Variants in RBFOX1 observed in about 807,000 individuals in gnomAD.
RBFOX1 encodes RNA binding protein fox-1 homolog 1.
RBFOX1 carries 8 observed loss-of-function variants against 57.7 expected under a neutral mutation model. That is an observed-to-expected ratio of 0.14 (90% confidence interval 0.08 to 0.25). The LOEUF (loss-of-function observed/expected upper bound fraction) is 0.25, where lower values mean the gene tolerates loss of function less well. RBFOX1 is among the 10% of genes least tolerant of loss of function. The probability of loss-of-function intolerance (pLI) is 1.00; values close to 1 mark genes in which losing one functional copy is unlikely to be tolerated. For missense variants in RBFOX1, 611 were observed against 548.5 expected (o/e 1.11, Z -1.14); for synonymous variants, 326 against 222.4 (o/e 1.47, Z -4.15).
At chr16:6,421,921 C>CTTTT (rs35479646) in intron 2 of RBFOX1, among the ~76,000 whole-genome samples, 7 of 99,822 alleles carry the variant, frequency 7.0e-5, no homozygotes, top group Non-Finnish European at 9.7e-5. Context: ...GGGACCAGAC[C>CTTTT]TTTTTTTTTT....
intron 4 of RBFOX1, among the ~76,000 whole-genome samples, chr16:7,249,911 A>C (rs995541940): frequency 6.6e-6 from 1 of 152,344 alleles, no homozygotes; most frequent in East Asian, 1.9e-4. Flanking sequence ...GGTTAAACCA[A>C]TTTACACTCT....
At chr16:6,925,109 GTTTTTTTTTTTTTTTTTTTTTTTTTT>G (rs57556084) in intron 3 of RBFOX1, among the ~76,000 whole-genome samples, 16 of 45,250 alleles carry the variant, frequency 3.5e-4, no homozygotes, top group South Asian at 2.5e-3. Flanking sequence ...TAGGTTGTTG[GTTTTTTTTTTTTTTTTTTTTTTTTTT>G]TTTTTTTTTT....
At position 6,019,973 on chromosome 16, in the gene RBFOX1, G is replaced by A. The variant is rs1035783543; in HGVS notation, c.-146G>A. The A allele has an allele frequency of 6.5e-6, 10 of 1,530,210 alleles. No homozygotes were observed. Among genetic ancestry groups the A allele is most frequent in the Admixed American group, 2.0e-5 (1 of 50,682 alleles). The allele number at this position is 1,530,210 out of a possible 1,614,324, so 94.8% of individuals were successfully genotyped here. A position where few individuals can be genotyped will look rare whatever the true frequency, so the allele number is the denominator to read the frequency against. ...TGGGGCCGAGAACGTGACCGCAGCC[G>A]GGCTCGCCGGGAGTTCTAGGTAAGT... On this transcript the variant is annotated 5_prime_UTR_variant, in exon 1 of 16. Coordinates refer to ENST00000550418, the MANE Select transcript of RBFOX1 (RefSeq NM_018723.4). The surrounding 1 kb of genome is among the most constrained non-coding windows in gnomAD (Gnocchi z 4.2).
At chr16:5,457,382 G>A (rs1287595250) in intron 1 of RBFOX1, among the ~76,000 whole-genome samples, 1 of 152,152 alleles carries the variant, frequency 6.6e-6, no homozygotes, top group African/African-American at 2.4e-5. Context: ...TGATCCATCT[G>A]CCTCGGCCTG....
chr16:7,190,266 G>A (rs965773666), intron 4 of RBFOX1, among the ~76,000 whole-genome samples: 4 of 152,150 alleles, frequency 2.6e-5, no homozygotes, highest in Non-Finnish European at 4.4e-5. Context: ...GGCTGAGGCA[G>A]GAGAATCACT....
intron 4 of RBFOX1, among the ~76,000 whole-genome samples, chr16:7,147,729 T>C (rs570968005): frequency 6.6e-6 from 1 of 152,188 alleles, no homozygotes; most frequent in African/African-American, 2.4e-5. Context: ...TTGATGGGTA[T>C]CTAGGTTAAT....
At chr16:5,272,519 C>G (rs1228872101) in intron 1 of RBFOX1, among the ~76,000 whole-genome samples, 1 of 152,188 alleles carries the variant, frequency 6.6e-6, no homozygotes, top group Non-Finnish European at 1.5e-5. Flanking sequence ...TTCAATATCT[C>G]AGAATCGTCC....
At chr16:6,171,281 C>T (rs1598029377) in intron 1 of RBFOX1, among the ~76,000 whole-genome samples, 1 of 152,160 alleles carries the variant, frequency 6.6e-6, no homozygotes, top group Non-Finnish European at 1.5e-5. Context: ...ATCTATAACA[C>T]CAATTTCAAG....
chr16:7,360,208 T>C (rs2097295400), intron 4 of RBFOX1, among the ~76,000 whole-genome samples: 3 of 152,194 alleles, frequency 2.0e-5, no homozygotes, highest in African/African-American at 4.8e-5. Context: ...TAGCATGGTA[T>C]TATGTTGTAA....
At chr16:7,264,610 T>C (rs991023958) in intron 4 of RBFOX1, among the ~76,000 whole-genome samples, 117 of 152,362 alleles carry the variant, frequency 7.7e-4, no homozygotes, top group African/African-American at 2.5e-3. Context: ...TGTAGTTGTA[T>C]TACAATAAAA....
intron 3 of RBFOX1, among the ~76,000 whole-genome samples, chr16:6,920,994 G>A (rs6500875): frequency 6.6e-6 from 1 of 151,860 alleles, no homozygotes; most frequent in Non-Finnish European, 1.5e-5. Context: ...GGATAAGTTT[G>A]CCCTTGTTTG....
chr16:6,832,828 T>G (rs936355094), intron 3 of RBFOX1, among the ~76,000 whole-genome samples: 2 of 152,214 alleles, frequency 1.3e-5, no homozygotes, highest in Admixed American at 6.5e-5. Context: ...ATTTATTGAT[T>G]AAATAGTTAA....
At chr16:6,153,135 C>T (rs2096811374) in intron 1 of RBFOX1, among the ~76,000 whole-genome samples, 1 of 148,550 alleles carries the variant, frequency 6.7e-6, no homozygotes, top group Admixed American at 6.8e-5. Flanking sequence ...AGTGGTGACT[C>T]CTGAGACTTT....
At chr16:5,975,353 G>A (rs757326591) in intron 4 of RBFOX1, among the ~76,000 whole-genome samples, 62 of 152,148 alleles carry the variant, frequency 4.1e-4, no homozygotes, top group Non-Finnish European at 8.1e-4. Context: ...TAGAGCAATA[G>A]CTGCTTCTGA....
chr16:5,984,964 ATATATATATATATT>A (rs1487419377), intron 4 of RBFOX1, among the ~76,000 whole-genome samples: 3 of 42,042 alleles, frequency 7.1e-5, no homozygotes, highest in Non-Finnish European at 1.4e-4. Context: ...ATATATATAT[ATATATATATATATT>A]TTTTTTTTTT....
At chr16:6,573,489 G>C (rs886410131) in intron 2 of RBFOX1, among the ~76,000 whole-genome samples, 20 of 152,098 alleles carry the variant, frequency 1.3e-4, no homozygotes, top group African/African-American at 4.8e-4. Flanking sequence ...ACTCAGGAAG[G>C]GCTTTAAAAA....
intron 4 of RBFOX1, among the ~76,000 whole-genome samples, chr16:6,008,848 T>C (rs2094942802): frequency 6.6e-6 from 1 of 152,214 alleles, no homozygotes; most frequent in African/African-American, 2.4e-5. Context: ...AGTTGCTTAA[T>C]TGCCTTACGG....
chr16:5,943,250 C>A (rs1164268364), intron 4 of RBFOX1, among the ~76,000 whole-genome samples: 1 of 152,168 alleles, frequency 6.6e-6, no homozygotes. Flanking sequence ...GTTTTCCCAG[C>A]CCATCACAGG....
intron 3 of RBFOX1, among the ~76,000 whole-genome samples, chr16:7,030,374 A>T (rs945683398): frequency 1.3e-5 from 2 of 152,180 alleles, no homozygotes; most frequent in African/African-American, 4.8e-5. Flanking sequence ...GGATGGCTTT[A>T]AAACAACAGA....
Sources: allele counts gnomAD v4.1 joint callset (sites outside exome capture counted in the v4.1 genomes callset), GRCh38; gene constraint gnomAD v4.1.1; non-coding constraint Gnocchi (gnomAD v3.1); transcripts MANE v1.5; gene names NCBI Gene and HGNC (gene_info 2026-07-23, HGNC 2026-07-21).